SORCS2: variants seen among roughly 807,000 people sequenced by gnomAD.
SORCS2 encodes the protein VPS10 domain-containing receptor SorCS2.
In SORCS2, 100 loss-of-function variants were observed where a neutral mutation model predicts 141.6. That is an observed-to-expected ratio of 0.71 (90% confidence interval 0.60 to 0.83). The LOEUF (loss-of-function observed/expected upper bound fraction) is 0.83, where lower values mean the gene tolerates loss of function less well. Among genes scored for constraint, SORCS2 ranks in the 40% least tolerant of loss-of-function variants. The probability of loss-of-function intolerance (pLI) is 0.00; values close to 1 mark genes in which losing one functional copy is unlikely to be tolerated. For synonymous variants in SORCS2, 789 were observed against 676.9 expected (o/e 1.17, Z -2.57); for missense variants, 1,646 against 1,560.2 (o/e 1.05, Z -0.93).
intron 4 of SORCS2, among the ~76,000 whole-genome samples, chr4:7,639,105 C>T (rs1720465922): frequency 6.6e-6 from 1 of 151,910 alleles, no homozygotes; most frequent in South Asian, 2.1e-4. Context: ...AGGGAGAGGG[C>T]CTGGGGGCTG....
intron 3 of SORCS2, among the ~76,000 whole-genome samples, chr4:7,637,695 T>C (rs566805951): frequency 1.1e-4 from 17 of 148,252 alleles, no homozygotes; most frequent in African/African-American, 1.8e-4. Flanking sequence ...GCCCAGGCAC[T>C]CATGAATGAA....
intron 1 of SORCS2, among the ~76,000 whole-genome samples, chr4:7,277,123 T>C (rs1250822403): frequency 9.8e-6 from 1 of 102,550 alleles, no homozygotes; most frequent in East Asian, 3.4e-4. Flanking sequence ...TGGGCTCCTT[T>C]GGCTGTGTAT....
intron 12 of SORCS2, among the ~76,000 whole-genome samples, chr4:7,699,508 C>T (rs1315012705): frequency 1.3e-5 from 2 of 152,164 alleles, no homozygotes; most frequent in Non-Finnish European, 2.9e-5. Flanking sequence ...AGGGAAATTG[C>T]ACTCCAGGAC....
At chr4:7,210,902 C>T (rs145187489) in intron 1 of SORCS2, among the ~76,000 whole-genome samples, 28 of 152,204 alleles carry the variant, frequency 1.8e-4, no homozygotes, top group Admixed American at 5.9e-4. Flanking sequence ...GAAAGGCAGG[C>T]AGGGGGTAGT....
In SORCS2 at chr4:7,633,792, G is replaced by GGCGGT. The variant is rs1394891828; in HGVS notation, c.649-4536_649-4535insGCGGT. On this transcript the variant is annotated intron_variant, in intron 3 of 26. Coordinates refer to ENST00000507866, the MANE Select transcript of SORCS2 (RefSeq NM_020777.3). ...CTCATTCCTGCATGCGCTCCTTCAT[G>GGCGGT]TGTCCGTCAGGCGGGATTAACGGCC... is the stretch of plus-strand genomic sequence containing the variant. 9.6e-5 allele frequency among the ~76,000 whole-genome samples: 12 copies of GGCGGT among 124,384 alleles called. 1 individual carries two copies. Among genetic ancestry groups the GGCGGT allele is most frequent in the Non-Finnish European group, 1.1e-4 (6 of 53,586 alleles). 81.6% of individuals were successfully genotyped at this position (124,384 alleles called of 152,430 possible).
chr4:7,714,543 C>T (rs1252081995), intron 16 of SORCS2, among the ~76,000 whole-genome samples, 170 bp downstream of exon 16: 1 of 152,224 alleles, frequency 6.6e-6, no homozygotes, highest in African/African-American at 2.4e-5. Flanking sequence ...AACCAAGTCA[C>T]CAAGACCAGC....
chr4:7,720,860 G>A (rs1374543714), intron 18 of SORCS2, among the ~76,000 whole-genome samples: 2 of 152,332 alleles, frequency 1.3e-5, no homozygotes, highest in East Asian at 3.9e-4. Context: ...TGCAGGGAAG[G>A]ACACTGGATC....
chr4:7,265,792 T>C (rs1577337391), intron 1 of SORCS2, among the ~76,000 whole-genome samples: 1 of 152,162 alleles, frequency 6.6e-6, no homozygotes, highest in Non-Finnish European at 1.5e-5. Flanking sequence ...CAGGGGCAGG[T>C]ATCAGGACAC....
intron 1 of SORCS2, among the ~76,000 whole-genome samples, chr4:7,377,957 A>G (rs942587592): frequency 1.3e-5 from 2 of 152,236 alleles, no homozygotes; most frequent in Non-Finnish European, 2.9e-5. Context: ...TTTTGTGTCC[A>G]GAAACTTAAC....
intron 1 of SORCS2, among the ~76,000 whole-genome samples, chr4:7,261,218 G>A (rs1044436396): frequency 6.6e-6 from 1 of 152,160 alleles, no homozygotes; most frequent in African/African-American, 2.4e-5. Flanking sequence ...ATTTTGGCAG[G>A]CAGGCGTTTG....
intron 2 of SORCS2, among the ~76,000 whole-genome samples, chr4:7,528,150 G>A (rs1414118505): frequency 6.6e-6 from 1 of 151,868 alleles, no homozygotes; most frequent in Non-Finnish European, 1.5e-5. Context: ...GTGTAGTGAT[G>A]GGACACACAG....
Position 7,712,799 on chromosome 4 carries a change from C to T in SORCS2, c.1935C>T (p.Phe645=), listed in dbSNP as rs1265223507. 3 of 1,613,906 alleles carry T rather than the reference C, an allele frequency of 1.9e-6. No individual in the cohort carries two copies. The highest frequency in any genetic ancestry group is 3.3e-5 in the Admixed American group (2 of 60,030). ...TCAAGGTGGACTTCCGGCCCTCATTCTCCAGGCAGTGCGGCGAGGAGGACT... is the reference window on the plus strand; with the variant it reads ...TCAAGGTGGACTTCCGGCCCTCATTTTCCAGGCAGTGCGGCGAGGAGGACT... ...ELVKVDFRPS[F]SRQCGEEDYS... The change falls in exon 15 of 27, where the codon TTC becomes TTT. Residue 645 remains phenylalanine (F), a synonymous_variant. Transcript: ENST00000507866.
chr4:7,600,021 C>G (rs1232696206), intron 3 of SORCS2, among the ~76,000 whole-genome samples: 1 of 151,896 alleles, frequency 6.6e-6, no homozygotes, highest in Non-Finnish European at 1.5e-5. Flanking sequence ...AGGGTTTCAT[C>G]ATGTTGACCA....
intron 3 of SORCS2, among the ~76,000 whole-genome samples, chr4:7,632,184 G>A (rs1475563100): frequency 6.6e-6 from 1 of 152,192 alleles, no homozygotes; most frequent in Non-Finnish European, 1.5e-5. Flanking sequence ...CCCGTAAACT[G>A]TGCACCCGTT....
intron 25 of SORCS2, among the ~76,000 whole-genome samples, chr4:7,736,763 C>G (rs1216738449): frequency 6.6e-6 from 1 of 152,174 alleles, no homozygotes; most frequent in African/African-American, 2.4e-5. Context: ...ATCATGCCCT[C>G]TCCCCACCAC....
intron 3 of SORCS2, 52 bp downstream of exon 3, chr4:7,531,681 C>T (rs563280543): frequency 1.2e-4 from 192 of 1,548,394 alleles, no homozygotes; most frequent in Non-Finnish European, 1.3e-4. Context: ...TTGTGCCGCT[C>T]ACTCTGCAGA....
At chr4:7,650,601 G>A (rs868386468) in intron 4 of SORCS2, among the ~76,000 whole-genome samples, 35 of 152,276 alleles carry the variant, frequency 2.3e-4, no homozygotes, top group African/African-American at 7.9e-4. Flanking sequence ...CTACAGCTGG[G>A]GCATCATTTT....
chr4:7,500,923 A>G (rs546476986), intron 2 of SORCS2, among the ~76,000 whole-genome samples: 25 of 151,824 alleles, frequency 1.6e-4, no homozygotes, highest in African/African-American at 5.3e-4. Flanking sequence ...ACCAGCCCCG[A>G]CTCCTGTGAT....
chr4:7,365,481 G>A (rs1449596848), intron 1 of SORCS2, among the ~76,000 whole-genome samples: 2 of 152,172 alleles, frequency 1.3e-5, no homozygotes, highest in African/African-American at 2.4e-5. Context: ...CAGAGCTGTC[G>A]AGAGTTCAGT....
Sources: allele counts gnomAD v4.1 joint callset (sites outside exome capture counted in the v4.1 genomes callset), GRCh38; gene constraint gnomAD v4.1.1; transcripts MANE v1.5; gene names NCBI Gene and HGNC (gene_info 2026-07-23, HGNC 2026-07-21).